The following SCAP variants were observed in gnomAD, a reference collection of about 807,000 sequenced individuals.
SCAP encodes the protein SREBF chaperone.
Under a neutral mutation model 123.6 loss-of-function variants are expected in SCAP, and 65 were observed. The observed-to-expected ratio is 0.53, with a 90% CI of 0.43 to 0.65. SCAP has a LOEUF of 0.65. Among genes scored for constraint, SCAP ranks in the 30% least tolerant of loss-of-function variants. SCAP has a pLI of 0.00. For synonymous variants in SCAP, 740 were observed against 726.3 expected, an observed-to-expected ratio of 1.02 and a Z score of -0.30; for missense variants, 1,398 against 1,712.5, an observed-to-expected ratio of 0.82 and a Z score of 3.24.
At chr3:47,470,183 G>A (rs1188439848) in intron 1 of SCAP, among the ~76,000 whole-genome samples, 1 of 152,168 alleles carries the variant, frequency 6.6e-6, no homozygotes, top group African/African-American at 2.4e-5. Flanking sequence ...AAGAGAACTT[G>A]TTTTTTACCC....
chr3:47,454,076 A>G (rs1255754212), intron 1 of SCAP, among the ~76,000 whole-genome samples: 1 of 152,240 alleles, frequency 6.6e-6, no homozygotes, highest in Non-Finnish European at 1.5e-5. Flanking sequence ...TTTTAAGATA[A>G]GAATAGACAG....
chr3:47,461,202 G>C (rs1429132478), intron 1 of SCAP, among the ~76,000 whole-genome samples: 1 of 152,126 alleles, frequency 6.6e-6, no homozygotes, highest in Non-Finnish European at 1.5e-5. Flanking sequence ...AAGTGCTATG[G>C]GTTCTTGTCA....
At chr3:47,458,457 T>TG (rs1707511110) in intron 1 of SCAP, among the ~76,000 whole-genome samples, 1 of 152,100 alleles carries the variant, frequency 6.6e-6, no homozygotes, top group African/African-American at 2.4e-5. Context: ...TAAATAGTAT[T>TG]GAAAAAATAA....
chr3:47,433,332 A>G (rs1706442418), intron 3 of SCAP, among the ~76,000 whole-genome samples: 1 of 152,224 alleles, frequency 6.6e-6, no homozygotes, highest in Admixed American at 6.5e-5. Flanking sequence ...CTCCTTCTCA[A>G]TCCTGCAGGG....
chr3:47,451,043 G>C (rs1447425459), intron 1 of SCAP, among the ~76,000 whole-genome samples: 1 of 120,698 alleles, frequency 8.3e-6, no homozygotes, highest in Non-Finnish European at 1.8e-5. Context: ...TGGGGAGACA[G>C]GGTCTCAATA....
At position 47,420,823 on chromosome 3, in the gene SCAP, C is replaced by T. The variant is rs568503695; in HGVS notation, c.1345-51G>A. On this transcript the variant is annotated intron_variant, in intron 11 of 22. Transcript: ENST00000265565. This position sits in a 1 kb window ranked among gnomAD's most constrained non-coding sequence, Gnocchi z 5.0. ...CTGAGTCCACCATCCAGAGGCTGCT[C>T]GCACAGGACCGCTGTCCTGCCCGAG... 30 of 1,553,374 alleles carry T rather than the reference C, an allele frequency of 1.9e-5. No homozygotes were observed. In the East Asian group the frequency reaches 3.7e-4, roughly 19 times the overall value.
intron 1 of SCAP, among the ~76,000 whole-genome samples, chr3:47,472,137 A>G (rs1427773693): frequency 6.6e-6 from 1 of 150,990 alleles, no homozygotes; most frequent in Non-Finnish European, 1.5e-5. Flanking sequence ...AAAAATAATA[A>G]TAATAATTAA....
chr3:47,429,067 C>A (rs187450300), intron 3 of SCAP: 1 of 186,072 alleles, frequency 5.4e-6, no homozygotes, highest in South Asian at 1.0e-4. Context: ...CCAGAAATCA[C>A]CCTTCCTTCC....
At chr3:47,437,849 T>C (rs909787967) in intron 2 of SCAP, among the ~76,000 whole-genome samples, 10 of 152,226 alleles carry the variant, frequency 6.6e-5, no homozygotes, top group Admixed American at 6.5e-4. Flanking sequence ...TCATAAGCAC[T>C]TATTTCTGTC....
intron 3 of SCAP, among the ~76,000 whole-genome samples, chr3:47,430,048 C>T (rs1576271961): frequency 1.3e-5 from 2 of 152,172 alleles, no homozygotes; most frequent in African/African-American, 4.8e-5. Context: ...ACAGGAATAA[C>T]GACATTCACC....
In SCAP at chr3:47,413,780, C is replaced by T. The variant is rs1705418966; in HGVS notation, c.*74G>A. 6.5e-7 allele frequency: 1 copy of T among 1,540,444 alleles called. No homozygotes were observed. The highest frequency in any genetic ancestry group is 8.8e-7 in the Non-Finnish European group (1 of 1,142,126). On this transcript the variant is annotated 3_prime_UTR_variant, in exon 23 of 23. Coordinates refer to ENST00000265565, the MANE Select transcript of SCAP (RefSeq NM_012235.4). The stretch of plus-strand genomic sequence containing the variant: ...CGGCTGGAAGATACTCGGCTCTTTC[C>T]CCCAAGTCCAGGTTCAGTGCATTGG...
chr3:47,416,311 C>A (rs140954403), intron 18 of SCAP, among the ~76,000 whole-genome samples: 3 of 152,212 alleles, frequency 2.0e-5, no homozygotes, highest in Non-Finnish European at 2.9e-5. Context: ...TGCATGCAGA[C>A]GGAGTACTGG....
At position 47,429,344 on chromosome 3, in the gene SCAP, G is replaced by C. The variant is rs562692017; in HGVS notation, c.253-674C>G. On this transcript the variant is annotated intron_variant, in intron 3 of 22. Coordinates refer to ENST00000265565, the MANE Select transcript of SCAP (RefSeq NM_012235.4). Reference sequence around the variant, plus strand: ...GGTGTAGGCAAACGATGGCCTGTAGGCCAAATCAGGGCCCATGCCTGTTTT... The same window carrying C: ...GGTGTAGGCAAACGATGGCCTGTAGCCCAAATCAGGGCCCATGCCTGTTTT... Among the ~76,000 whole-genome samples the C allele has an allele frequency of 2.0e-5, 3 of 152,350 alleles. No individual in the cohort carries two copies. In the South Asian group the frequency reaches 6.2e-4, roughly 32 times the overall value.
chr3:47,424,167 G>T, intron 8 of SCAP, 122 bp from the exon 9 acceptor site: 1 of 699,654 alleles, frequency 1.4e-6, no homozygotes, highest in Non-Finnish European at 2.5e-6. Flanking sequence ...TCCCACAGGT[G>T]CTGGGCAGAA....
At chr3:47,434,190 A>C (rs886464011) in intron 3 of SCAP, among the ~76,000 whole-genome samples, 2 of 152,214 alleles carry the variant, frequency 1.3e-5, no homozygotes, top group Admixed American at 1.3e-4. Flanking sequence ...AGGAAATGGG[A>C]ATATGCTATG....
intron 1 of SCAP, among the ~76,000 whole-genome samples, chr3:47,473,077 T>C (rs1312062183): frequency 7.5e-4 from 1 of 1,328 alleles, no homozygotes; most frequent in Non-Finnish European, 8.1e-3. Context: ...CGAAACTCCA[T>C]CTCAAAAAAA....
At chr3:47,454,505 T>C (rs1707341919) in intron 1 of SCAP, among the ~76,000 whole-genome samples, 1 of 151,860 alleles carries the variant, frequency 6.6e-6, no homozygotes, top group East Asian at 1.9e-4. Context: ...GGCTGGTGGA[T>C]CGTTTGAGGT....
rs1260237196 is a variant in SCAP, at chr3:47,417,338, A to T, written c.2936T>A (p.Leu979His). 6.2e-7 allele frequency: 1 copy of T among 1,611,508 alleles called. No individual in the cohort carries two copies. The highest frequency in any genetic ancestry group is 1.3e-5 in the African/African-American group (1 of 74,822). Residue 979 changes from leucine to histidine, a missense_variant, in exon 17 of 23, where the codon CTC (leucine) becomes CAC (histidine). Transcript: ENST00000265565. Reference sequence around the variant, plus strand: ...GCCGCTGCTCCGCCCCACCACGATGAGGTTGCCCTGCAGCTCCAAGCTCCA... The same window carrying T: ...GCCGCTGCTCCGCCCCACCACGATGTGGTTGCCCTGCAGCTCCAAGCTCCA... ...SIWSLELQGN[L>H]IVVGRSSGRL...
chr3:47,458,420 ACT>A (rs759072472), intron 1 of SCAP, among the ~76,000 whole-genome samples: 7 of 152,164 alleles, frequency 4.6e-5, no homozygotes, highest in Non-Finnish European at 1.0e-4. Flanking sequence ...CAGGGGCAAA[ACT>A]CTGTCTCAAA....
Sources: gnomAD v4.1 joint callset for allele counts (sites outside exome capture counted in the v4.1 genomes callset) on GRCh38, gnomAD v4.1.1 for gene constraint, Gnocchi (gnomAD v3.1) non-coding constraint, MANE v1.5 for transcripts, NCBI Gene and HGNC (gene_info 2026-07-23, HGNC 2026-07-21) for gene names.